KCNQ1: variants seen among roughly 807,000 people sequenced by gnomAD.
KCNQ1 encodes the protein potassium voltage-gated channel subfamily KQT member 1.
In KCNQ1, 49 loss-of-function variants were observed where a neutral mutation model predicts 72.4. That is an observed-to-expected ratio of 0.68 (90% CI 0.54 to 0.86). KCNQ1 has a LOEUF of 0.86. KCNQ1 is among the 40% of genes least tolerant of loss of function. The pLI is 0.00. For missense variants in KCNQ1, 790 were observed against 945.1 expected, an observed-to-expected ratio of 0.84 and a Z score of 2.15; for synonymous variants, 450 against 412.6, an observed-to-expected ratio of 1.09 and a Z score of -1.10.
rs545834483 is a variant in KCNQ1 at position 2,785,908 on chromosome 11, A to G, written c.1794+7871A>G. ...TAAAATAGGGATCCTAGAACACTTT[A>G]ACTTCAATTATTCTCCCCCTGACTT... On this transcript the variant is annotated intron_variant, in intron 15 of 15. Transcript: ENST00000155840. This position sits in a 1 kb window ranked among gnomAD's most constrained non-coding sequence, Gnocchi z 4.4. Among the ~76,000 whole-genome samples the G allele has an allele frequency of 1.3e-5, 2 of 152,206 alleles. No homozygotes were observed. The highest frequency in any genetic ancestry group is 1.9e-4 in the East Asian group (1 of 5,194).
rs1849768629 is a variant in KCNQ1, at chr11:2,652,229, A to T, written c.1394-9732A>T. ...GGCCTGGAGCCGGATGCTGAGAATG[A>T]GGCCTGCAACTCATTTCCCCATTAA... On this transcript the variant is annotated intron_variant, in intron 10 of 15. Coordinates refer to ENST00000155840, the MANE Select transcript of KCNQ1 (RefSeq NM_000218.3). The surrounding 1 kb of genome is among the most constrained non-coding windows in gnomAD (Gnocchi z 5.9). 7.5e-6 allele frequency: 3 copies of T among 398,626 alleles called. No homozygotes were observed. Among genetic ancestry groups the T allele is most frequent in the Non-Finnish European group, 1.3e-5 (3 of 226,086 alleles). The allele number at this position is 398,626 out of a possible 1,614,324, so 24.7% of individuals were successfully genotyped here.
At chr11:2,584,561 T>G (rs367610395) in intron 7 of KCNQ1, among the ~76,000 whole-genome samples, 1 of 116,316 alleles carries the variant, frequency 8.6e-6, no homozygotes, top group African/African-American at 4.8e-5. Context: ...TAGTGTGTAT[T>G]TGTGTGTGTT....
rs1046778882 is a variant in KCNQ1 at position 2,626,267 on chromosome 11, A to T, written c.1394-35694A>T. 3 of 398,360 alleles carry T rather than the reference A, an allele frequency of 7.5e-6. No homozygotes were observed. Among genetic ancestry groups the T allele is most frequent in the African/African-American group, 4.1e-5 (2 of 48,590 alleles). 24.7% of individuals were successfully genotyped at this position (398,360 alleles called of 1,614,324 possible). On this transcript the variant is annotated intron_variant, in intron 10 of 15. Transcript: ENST00000155840. The surrounding 1 kb of genome is among the most constrained non-coding windows in gnomAD (Gnocchi z 4.0). ...GTCTCAACTTCATTCTCTTTTATACATGGTTAGGTAAGGATCTCAACTTCA... is the reference window on the plus strand; with the variant it reads ...GTCTCAACTTCATTCTCTTTTATACTTGGTTAGGTAAGGATCTCAACTTCA...
intron 11 of KCNQ1, among the ~76,000 whole-genome samples, chr11:2,756,457 A>C (rs1244522905): frequency 6.7e-6 from 1 of 150,304 alleles, no homozygotes; most frequent in Non-Finnish European, 1.5e-5. Context: ...AAAAAAAAAA[A>C]ACATGACTTT....
At chr11:2,578,915 G>A (rs1434355904) in intron 6 of KCNQ1, among the ~76,000 whole-genome samples, 1 of 152,224 alleles carries the variant, frequency 6.6e-6, no homozygotes, top group East Asian at 1.9e-4. Context: ...GGAGCCCTCA[G>A]CACAGTGACT....
At chr11:2,716,780 G>A (rs1851100329) in intron 11 of KCNQ1, among the ~76,000 whole-genome samples, 1 of 152,234 alleles carries the variant, frequency 6.6e-6, no homozygotes, top group African/African-American at 2.4e-5. Flanking sequence ...GAACAGGCCA[G>A]GAGCACTGGT....
At chr11:2,804,934 T>C (rs933188690) in intron 15 of KCNQ1, among the ~76,000 whole-genome samples, 1 of 152,214 alleles carries the variant, frequency 6.6e-6, no homozygotes, top group Admixed American at 6.5e-5. Flanking sequence ...TGACAACACA[T>C]GTGGTCAGGG....
rs746893339 is a variant in KCNQ1, at chr11:2,653,172, C to T, written c.1394-8789C>T. The T allele has an allele frequency of 1.5e-5, 6 of 398,620 alleles. No individual in the cohort carries two copies. The highest frequency in any genetic ancestry group is 2.2e-5 in the Non-Finnish European group (5 of 226,114). The allele number at this position is 398,620 out of a possible 1,614,324, so 24.7% of individuals were successfully genotyped here. A position where few individuals can be genotyped will look rare whatever the true frequency, so the allele number is the denominator to read the frequency against. ...GCCAATGTCCCACCTTAGGAAATCC[C>T]TTTCCAAGAGTTCCCTGTGCTGTTG... On this transcript the variant is annotated intron_variant, in intron 10 of 15. Coordinates refer to ENST00000155840, the MANE Select transcript of KCNQ1 (RefSeq NM_000218.3). The surrounding 1 kb of genome is among the most constrained non-coding windows in gnomAD (Gnocchi z 5.3).
chr11:2,799,034 T>G (rs113412351), intron 15 of KCNQ1, among the ~76,000 whole-genome samples: 40 of 152,208 alleles, frequency 2.6e-4, no homozygotes, highest in African/African-American at 8.4e-4. Context: ...ACCTGGCAGG[T>G]GAAATCTAAA....
chr11:2,748,597 G>A lies in KCNQ1; in HGVS notation c.1515-20247G>A, dbSNP rs1382943584. Among the ~76,000 whole-genome samples, 1 of 152,214 alleles carries A rather than the reference G, an allele frequency of 6.6e-6. No individual in the cohort carries two copies. Among genetic ancestry groups the A allele is most frequent in the Non-Finnish European group, 1.5e-5 (1 of 68,022 alleles). ...ACCCAGCATGAAACTGCAGGTGCAG[G>A]AGCCCCAGCCAGCCTGGAATGTGGG... On this transcript the variant is annotated intron_variant, in intron 11 of 15. Coordinates refer to ENST00000155840, the MANE Select transcript of KCNQ1 (RefSeq NM_000218.3). This position sits in a 1 kb window ranked among gnomAD's most constrained non-coding sequence, Gnocchi z 6.2.
chr11:2,629,337 C>T, intron 10 of KCNQ1: 1 of 398,322 alleles, frequency 2.5e-6, no homozygotes, highest in East Asian at 3.6e-5. Context: ...AAATGTTATG[C>T]AGTCCAATTT....
At position 2,682,670 on chromosome 11, in the gene KCNQ1, T is replaced by C. The variant is rs186707230; in HGVS notation, c.1514+20589T>C. On this transcript the variant is annotated intron_variant, in intron 11 of 15. Transcript: ENST00000155840. This position sits in a 1 kb window ranked among gnomAD's most constrained non-coding sequence, Gnocchi z 5.8. ...CCCCAGGGCTCATGTCCACATGCTA[T>C]TGTCCATAGAAGCTGGGGTCCAAAG... 171 of 398,650 alleles carry C rather than the reference T, an allele frequency of 4.3e-4. No individual in the cohort carries two copies. The highest frequency in any genetic ancestry group is 6.9e-4 in the Non-Finnish European group (156 of 226,088). The allele number at this position is 398,650 out of a possible 1,614,324, so 24.7% of individuals were successfully genotyped here.
chr11:2,716,460 G>A (rs563317989), intron 11 of KCNQ1, among the ~76,000 whole-genome samples: 1 of 152,126 alleles, frequency 6.6e-6, no homozygotes, highest in East Asian at 1.9e-4. Flanking sequence ...GAATGGCTGG[G>A]TGTCCTTTCT....
chr11:2,779,568 G>A (rs1427391255), intron 15 of KCNQ1, among the ~76,000 whole-genome samples: 3 of 152,096 alleles, frequency 2.0e-5, no homozygotes, highest in Non-Finnish European at 4.4e-5. Context: ...GCCTTTCCCC[G>A]CCACTCCCTG....
At position 2,715,198 on chromosome 11, in the gene KCNQ1, C is replaced by T. The variant is rs187656630; in HGVS notation, c.1514+53117C>T. Among the ~76,000 whole-genome samples, 4 of 152,320 alleles carry T rather than the reference C, an allele frequency of 2.6e-5. No homozygotes were observed. Among genetic ancestry groups the T allele is most frequent in the Admixed American group, 6.5e-5 (1 of 15,308 alleles). On this transcript the variant is annotated intron_variant, in intron 11 of 15. Transcript: ENST00000155840. This position sits in a 1 kb window ranked among gnomAD's most constrained non-coding sequence, Gnocchi z 4.9. Reference sequence around the variant, plus strand: ...CACCCCATGCCACCCGCTCCATTTACAGCCAAGGAGCCTCAGTAGAGACAC... The same window carrying T: ...CACCCCATGCCACCCGCTCCATTTATAGCCAAGGAGCCTCAGTAGAGACAC...
intron 2 of KCNQ1, among the ~76,000 whole-genome samples, chr11:2,534,888 G>C (rs897086987): frequency 2.0e-5 from 3 of 152,240 alleles, no homozygotes; most frequent in Non-Finnish European, 4.4e-5. Context: ...GCTCATGAAA[G>C]GCAGAGCTGG....
At chr11:2,445,706 G>T (rs1192340047) in intron 1 of KCNQ1, among the ~76,000 whole-genome samples, 2 of 152,236 alleles carry the variant, frequency 1.3e-5, no homozygotes, top group African/African-American at 4.8e-5. Flanking sequence ...CCGGCGTGGG[G>T]AGGGAGCCGG....
chr11:2,802,672 C>A (rs1224472627), intron 15 of KCNQ1, among the ~76,000 whole-genome samples: 3 of 152,182 alleles, frequency 2.0e-5, no homozygotes, highest in Non-Finnish European at 4.4e-5. Flanking sequence ...CCCGGTCAAA[C>A]CCCTAGATGA....
At chr11:2,648,038 C>T (rs1849693122) in intron 10 of KCNQ1, 1 of 394,400 alleles carries the variant, frequency 2.5e-6, no homozygotes, top group Non-Finnish European at 4.4e-6. Flanking sequence ...ACATGGCAAA[C>T]CCCCATCTCT....
Sources: gnomAD v4.1 joint callset for allele counts (sites outside exome capture counted in the v4.1 genomes callset) on GRCh38, gnomAD v4.1.1 for gene constraint, Gnocchi (gnomAD v3.1) non-coding constraint, MANE v1.5 for transcripts, NCBI Gene and HGNC (gene_info 2026-07-23, HGNC 2026-07-21) for gene names.